Variants in ADGRV1 observed in about 807,000 individuals in gnomAD.
ADGRV1 encodes the protein G-protein coupled receptor 98.
Under a neutral mutation model 596.2 loss-of-function variants are expected in ADGRV1, and 359 were observed. The ratio of observed to expected loss-of-function variants is 0.60; its 90% CI spans 0.55 to 0.66. The LOEUF (loss-of-function observed/expected upper bound fraction) is 0.66, where lower values mean the gene tolerates loss of function less well. Among genes scored for constraint, ADGRV1 ranks in the 30% least tolerant of loss-of-function variants. ADGRV1 has a pLI of 0.00. For missense variants in ADGRV1, 7,274 were observed against 7,575.6 expected (o/e 0.96, Z 1.48); for synonymous variants, 2,681 against 2,679.2 (o/e 1.00, Z -0.02).
intron 87 of ADGRV1, among the ~76,000 whole-genome samples, chr5:91,111,606 A>G (rs1256879099): frequency 6.6e-6 from 1 of 152,308 alleles, no homozygotes; most frequent in Middle Eastern, 3.4e-3. Flanking sequence ...ACAGAGGACT[A>G]ATTGTTTCAA....
intron 83 of ADGRV1, among the ~76,000 whole-genome samples, chr5:90,867,104 AG>A (rs1258523520): frequency 3.9e-5 from 6 of 152,106 alleles, no homozygotes; most frequent in Non-Finnish European, 7.4e-5. Flanking sequence ...GTAAACAACT[AG>A]TGACAAAGAG....
chr5:90,579,537 A>G (rs1054603436), intron 1 of ADGRV1, among the ~76,000 whole-genome samples: 11 of 152,144 alleles, frequency 7.2e-5, no homozygotes, highest in African/African-American at 1.9e-4. Flanking sequence ...TATGTGGTCA[A>G]TTTTAGAATA....
At chr5:91,144,174 C>T (rs1234721335) in intron 87 of ADGRV1, among the ~76,000 whole-genome samples, 1 of 152,190 alleles carries the variant, frequency 6.6e-6, no homozygotes, top group Non-Finnish European at 1.5e-5. Context: ...GCCAGCCCCC[C>T]ACCAGCTCTA....
intron 1 of ADGRV1, 58 bp downstream of exon 1, chr5:90,558,975 C>G: frequency 6.8e-7 from 1 of 1,479,076 alleles, no homozygotes; most frequent in Non-Finnish European, 9.2e-7. Flanking sequence ...GGGAGCGCCT[C>G]AGCATCAGCA....
At chr5:90,698,970 G>T (rs1278307913) in intron 34 of ADGRV1, among the ~76,000 whole-genome samples, 1 of 152,054 alleles carries the variant, frequency 6.6e-6, no homozygotes, top group Admixed American at 6.6e-5. Context: ...CAGTGGCAAT[G>T]GTAGATGAAT....
intron 1 of ADGRV1, among the ~76,000 whole-genome samples, chr5:90,570,038 C>T (rs927149450): frequency 6.6e-6 from 1 of 152,200 alleles, no homozygotes; most frequent in Non-Finnish European, 1.5e-5. Flanking sequence ...TTTTCTGGCA[C>T]TTTACATTTT....
intron 79 of ADGRV1, chr5:90,850,644 C>T (rs888737187): frequency 1.3e-5 from 2 of 152,202 alleles, no homozygotes; most frequent in African/African-American, 2.4e-5. Flanking sequence ...GCAATCCCCA[C>T]AATCTCATTC....
intron 85 of ADGRV1, among the ~76,000 whole-genome samples, chr5:91,046,890 A>G (rs1785868279): frequency 6.6e-6 from 1 of 152,208 alleles, no homozygotes; most frequent in Non-Finnish European, 1.5e-5. Flanking sequence ...GAAGATATAC[A>G]AGTGGCCAAC....
intron 27 of ADGRV1, among the ~76,000 whole-genome samples, chr5:90,682,862 T>C (rs1745124679): frequency 6.6e-6 from 1 of 152,260 alleles, no homozygotes; most frequent in African/African-American, 2.4e-5. Flanking sequence ...AAAGCATATC[T>C]TCCTTCTTAA....
chr5:90,920,064 C>G (rs1773742853), intron 83 of ADGRV1, among the ~76,000 whole-genome samples: 1 of 151,084 alleles, frequency 6.6e-6, no homozygotes, highest in Admixed American at 6.6e-5. Context: ...TTAGCCTGTT[C>G]AGGCTGCTAT....
At chr5:90,995,586 G>A (rs575106051) in intron 85 of ADGRV1, among the ~76,000 whole-genome samples, 3 of 152,298 alleles carry the variant, frequency 2.0e-5, no homozygotes, top group Non-Finnish European at 4.4e-5. Context: ...CTGGAGTGGG[G>A]CATTGTTATG....
chr5:90,985,940 A>AC (rs1780456271), intron 85 of ADGRV1, among the ~76,000 whole-genome samples: 1 of 152,064 alleles, frequency 6.6e-6, no homozygotes, highest in African/African-American at 2.4e-5. Flanking sequence ...TGAATACTGA[A>AC]CGACTGCCTC....
chr5:90,866,933 A>G (rs575743095), intron 83 of ADGRV1, among the ~76,000 whole-genome samples: 3 of 152,320 alleles, frequency 2.0e-5, no homozygotes, highest in African/African-American at 7.2e-5. Context: ...GAAAATGATT[A>G]AATGACAAGA....
intron 85 of ADGRV1, among the ~76,000 whole-genome samples, chr5:90,988,085 A>G (rs1402845990): frequency 6.6e-6 from 1 of 152,202 alleles, no homozygotes; most frequent in Non-Finnish European, 1.5e-5. Flanking sequence ...GAAAAGTGGT[A>G]TGCTGAATGT....
intron 84 of ADGRV1, among the ~76,000 whole-genome samples, chr5:90,984,479 T>G (rs564585328): frequency 5.3e-4 from 80 of 152,290 alleles, no homozygotes; most frequent in African/African-American, 1.9e-3. Flanking sequence ...CTTATTTATT[T>G]AATGTGTCCC....
chr5:90,600,240 G>T (rs1761231690), intron 1 of ADGRV1, among the ~76,000 whole-genome samples: 1 of 152,022 alleles, frequency 6.6e-6, no homozygotes, highest in Admixed American at 6.6e-5. Flanking sequence ...ATGCCATGTT[G>T]GTTTGCTGCA....
At position 90,813,150 on chromosome 5, in the gene ADGRV1, A is replaced by AAAAAAAAAAAAAAAC; in HGVS notation, c.16078+1826_16078+1827insCAAAAAAAAAAAAAA. 2.0e-5 allele frequency among the ~76,000 whole-genome samples: 2 copies of AAAAAAAAAAAAAAAC among 101,172 alleles called. 1 individual carries two copies. Among genetic ancestry groups the AAAAAAAAAAAAAAAC allele is most frequent in the Non-Finnish European group, 4.1e-5 (2 of 48,236 alleles). The allele number at this position is 101,172 out of a possible 152,430, so 66.4% of individuals were successfully genotyped here. ...TCCGTCTCAAAAAAAAAAAAAAAAA[A>AAAAAAAAAAAAAAAC]AAAAAAAAAAAAAATTTATTTGGCA... On this transcript the variant is annotated intron_variant, in intron 74 of 89. Transcript: ENST00000405460.
chr5:91,009,819 G>T (rs574494826), intron 85 of ADGRV1, among the ~76,000 whole-genome samples: 81 of 152,046 alleles, frequency 5.3e-4, no homozygotes, highest in African/African-American at 1.9e-3. Flanking sequence ...CAGCCCTTCA[G>T]GTATTTAGAG....
chr5:91,107,422 G>GTTTTGT (rs141924606), intron 87 of ADGRV1, among the ~76,000 whole-genome samples: 12,624 of 150,580 alleles, frequency 0.084, 746 homozygotes, highest in East Asian at 0.15. Context: ...GTTTCGTTTT[G>GTTTTGT]TTTTGTTTTT....
Sources: allele counts gnomAD v4.1 joint callset (sites outside exome capture counted in the v4.1 genomes callset), GRCh38; gene constraint gnomAD v4.1.1; transcripts MANE v1.5; gene names NCBI Gene and HGNC (gene_info 2026-07-23, HGNC 2026-07-21).